Variants in LIN7A observed in about 807,000 individuals in gnomAD.
LIN7A encodes the protein protein lin-7 homolog A.
Under a neutral mutation model 29.8 loss-of-function variants are expected in LIN7A, and 25 were observed. That is an observed-to-expected ratio of 0.84 (90% CI 0.61 to 1.17). The LOEUF (loss-of-function observed/expected upper bound fraction) is 1.17. Among genes scored for constraint, LIN7A ranks in the 50% most tolerant of loss-of-function variants. LIN7A has a pLI of 0.00. For synonymous variants in LIN7A, 118 were observed against 107.5 expected (o/e 1.10, Z -0.60); for missense variants, 239 against 287.0 (o/e 0.83, Z 1.21).
At chr12:80,841,405 AAGGAGGG>A (rs1482668379) in intron 4 of LIN7A, among the ~76,000 whole-genome samples, 25 of 145,632 alleles carry the variant, frequency 1.7e-4, no homozygotes, top group African/African-American at 6.1e-4. Context: ...GGAAGGAAGG[AAGGAGGG>A]AAAGAAAGTA....
At chr12:80,839,209 T>C (rs1872704191) in intron 4 of LIN7A, among the ~76,000 whole-genome samples, 1 of 152,248 alleles carries the variant, frequency 6.6e-6, no homozygotes, top group African/African-American at 2.4e-5. Flanking sequence ...ACTAATTTAT[T>C]AATGGCTAAG....
intron 1 of LIN7A, among the ~76,000 whole-genome samples, chr12:80,916,300 A>T (rs1877027532): frequency 6.6e-6 from 1 of 152,162 alleles, no homozygotes; most frequent in African/African-American, 2.4e-5. Context: ...GTAAAAGCCA[A>T]AGTCTTTAAA....
chr12:80,880,974 G>T (rs568752334), intron 2 of LIN7A, among the ~76,000 whole-genome samples: 2 of 152,102 alleles, frequency 1.3e-5, no homozygotes, highest in Non-Finnish European at 2.9e-5. Context: ...GAACAGAGGT[G>T]CTATTAATTT....
At chr12:80,898,303 C>T (rs1876018000) in intron 1 of LIN7A, among the ~76,000 whole-genome samples, 1 of 151,974 alleles carries the variant, frequency 6.6e-6, no homozygotes, top group Admixed American at 6.6e-5. Flanking sequence ...TATTTCTGGG[C>T]TCTCTATTCT....
intron 1 of LIN7A, among the ~76,000 whole-genome samples, chr12:80,933,230 C>G (rs1017060074): frequency 6.6e-6 from 1 of 152,114 alleles, no homozygotes. Context: ...AAAAGCTGAT[C>G]TATAGATTTT....
In LIN7A at chr12:80,835,982, A is replaced by G. The variant is rs28576612; in HGVS notation, c.483+9748T>C. On this transcript the variant is annotated intron_variant, in intron 4 of 5. Coordinates refer to ENST00000552864, the MANE Select transcript of LIN7A (RefSeq NM_004664.4). Reference sequence around the variant, plus strand: ...AAGGATATAGAAAGAAAATTTCAATACAAAAAATAATAATAAGCTAACAGA... The same window carrying G: ...AAGGATATAGAAAGAAAATTTCAATGCAAAAAATAATAATAAGCTAACAGA... 2.9e-3 allele frequency among the ~76,000 whole-genome samples: 442 copies of G among 152,344 alleles called. 1 individual carries two copies. The highest frequency in any genetic ancestry group is 5.0e-3 in the Non-Finnish European group (337 of 68,026).
At chr12:80,854,933 A>C (rs1379907867) in intron 2 of LIN7A, among the ~76,000 whole-genome samples, 2 of 152,188 alleles carry the variant, frequency 1.3e-5, no homozygotes, top group Non-Finnish European at 2.9e-5. Context: ...TAATAATAAC[A>C]TGACATTCAT....
In LIN7A at chr12:80,796,032, G is replaced by A. The variant is rs1870432566; in HGVS notation, c.*1695C>T. ...TTTTTCCTCTGGTGAGGGATGCATT[G>A]TGAAGAGCAGGGAAAACCTGGTATT... On this transcript the variant is annotated 3_prime_UTR_variant, in exon 6 of 6. Coordinates refer to ENST00000552864, the MANE Select transcript of LIN7A (RefSeq NM_004664.4). The A allele has an allele frequency of 6.6e-6, 1 of 152,166 alleles. No homozygotes were observed. Among genetic ancestry groups the A allele is most frequent in the African/African-American group, 2.4e-5 (1 of 41,448 alleles). 9.4% of individuals were successfully genotyped at this position (152,166 alleles called of 1,614,324 possible).
intron 4 of LIN7A, among the ~76,000 whole-genome samples, chr12:80,834,537 G>A (rs972641098): frequency 1.3e-5 from 2 of 152,120 alleles, no homozygotes; most frequent in East Asian, 1.9e-4. Flanking sequence ...AGTAGGAAAG[G>A]CCTATGATCA....
intron 1 of LIN7A, among the ~76,000 whole-genome samples, chr12:80,894,889 A>T (rs1336396931): frequency 2.0e-5 from 3 of 152,210 alleles, no homozygotes; most frequent in Non-Finnish European, 4.4e-5. Context: ...AAAAATAAAA[A>T]CAACTAAGGC....
intron 5 of LIN7A, among the ~76,000 whole-genome samples, chr12:80,805,771 G>A (rs996065185): frequency 1.3e-5 from 2 of 151,962 alleles, no homozygotes; most frequent in African/African-American, 4.8e-5. Context: ...TTGTGGAAGG[G>A]ACCCAGGGGG....
intron 5 of LIN7A, among the ~76,000 whole-genome samples, chr12:80,809,444 G>A (rs1464137577): frequency 6.6e-6 from 1 of 152,180 alleles, no homozygotes; most frequent in Non-Finnish European, 1.5e-5. Flanking sequence ...ACATCATAGT[G>A]TAAAGGTATC....
At chr12:80,917,420 C>A (rs1877081555) in intron 1 of LIN7A, among the ~76,000 whole-genome samples, 1 of 152,102 alleles carries the variant, frequency 6.6e-6, no homozygotes, top group Non-Finnish European at 1.5e-5. Context: ...ACTTAACTCA[C>A]AATAGCTTCC....
chr12:80,806,890 T>C (rs1465008159), intron 5 of LIN7A, among the ~76,000 whole-genome samples: 2 of 152,284 alleles, frequency 1.3e-5, no homozygotes, highest in East Asian at 1.9e-4. Flanking sequence ...TTTATCTCAA[T>C]GTGTGTGTAT....
chr12:80,813,096 C>T (rs552212296), intron 4 of LIN7A, among the ~76,000 whole-genome samples: 69 of 151,958 alleles, frequency 4.5e-4, no homozygotes, highest in Non-Finnish European at 9.1e-4. Flanking sequence ...CTGCAAGCTC[C>T]GCCTCCCGGG....
At position 80,937,734 on chromosome 12, in the gene LIN7A, C is replaced by A. The variant is rs1341686683; in HGVS notation, c.-12G>T. 2 of 1,211,336 alleles carry A rather than the reference C, an allele frequency of 1.7e-6. No homozygotes were observed. The highest frequency in any genetic ancestry group is 2.8e-5 in the Admixed American group (1 of 35,400). The allele number at this position is 1,211,336 out of a possible 1,614,324, so 75.0% of individuals were successfully genotyped here. On this transcript the variant is annotated 5_prime_UTR_variant, in exon 1 of 6. Coordinates refer to ENST00000552864, the MANE Select transcript of LIN7A (RefSeq NM_004664.4). ...CTCGGCTTCAGCATCAGCAACCGCT[C>A]GTAGTGAGAAAAAAAGGAGGAGATT...
chr12:80,817,288 T>G (rs988052958), intron 4 of LIN7A, among the ~76,000 whole-genome samples: 5 of 152,132 alleles, frequency 3.3e-5, no homozygotes, highest in African/African-American at 1.2e-4. Flanking sequence ...CCCGCTTCCA[T>G]AGAGGGTTAA....
At chr12:80,875,476 C>T (rs146989778) in intron 2 of LIN7A, among the ~76,000 whole-genome samples, 156 of 152,204 alleles carry the variant, frequency 1.0e-3, no homozygotes, top group African/African-American at 3.4e-3. Context: ...TTCATAAGAA[C>T]GTACATATTT....
chr12:80,875,936 G>T (rs1048345149), intron 2 of LIN7A, among the ~76,000 whole-genome samples: 1 of 151,914 alleles, frequency 6.6e-6, no homozygotes, highest in Non-Finnish European at 1.5e-5. Flanking sequence ...TTACATTTTT[G>T]CCCCCTTTGG....
Sources: allele counts gnomAD v4.1 joint callset (sites outside exome capture counted in the v4.1 genomes callset), GRCh38; gene constraint gnomAD v4.1.1; transcripts MANE v1.5; gene names NCBI Gene and HGNC (gene_info 2026-07-23, HGNC 2026-07-21).